GRM7: variants seen among roughly 807,000 people sequenced by gnomAD.
GRM7 encodes glutamate metabotropic receptor 7.
Under a neutral mutation model 84.5 loss-of-function variants are expected in GRM7, and 35 were observed. The ratio of observed to expected loss-of-function variants is 0.41; its 90% confidence interval spans 0.32 to 0.55. GRM7 has a LOEUF of 0.55. GRM7 is among the 20% of genes least tolerant of loss of function. The pLI, the probability that GRM7 is intolerant of heterozygous loss-of-function variation, is 0.19. For synonymous variants in GRM7, 487 were observed against 455.1 expected (o/e 1.07, Z -0.89); for missense variants, 1,003 against 1,194.6 (o/e 0.84, Z 2.36).
chr3:6,962,361 A>G (rs751546952), intron 1 of GRM7, among the ~76,000 whole-genome samples: 1 of 152,206 alleles, frequency 6.6e-6, no homozygotes, highest in Non-Finnish European at 1.5e-5. Context: ...GCTATGAATT[A>G]TATCTACTGA....
At chr3:6,875,512 C>T (rs905188143) in intron 1 of GRM7, among the ~76,000 whole-genome samples, 9 of 152,166 alleles carry the variant, frequency 5.9e-5, no homozygotes, top group African/African-American at 2.2e-4. Flanking sequence ...CTTTGCTCTT[C>T]ATTCGCCTTC....
intron 2 of GRM7, among the ~76,000 whole-genome samples, chr3:7,215,725 T>C (rs1575042082): frequency 6.6e-6 from 1 of 152,036 alleles, no homozygotes; most frequent in South Asian, 2.1e-4. Context: ...AGTTGTAATA[T>C]GTATATAAAA....
At chr3:6,947,012 ACTT>A (rs1698109871) in intron 1 of GRM7, among the ~76,000 whole-genome samples, 1 of 152,098 alleles carries the variant, frequency 6.6e-6, no homozygotes. Flanking sequence ...GGAGAATTTG[ACTT>A]CTTCTTTTCC....
chr3:6,878,875 G>A (rs963701378), intron 1 of GRM7, among the ~76,000 whole-genome samples: 1 of 152,128 alleles, frequency 6.6e-6, no homozygotes, highest in Non-Finnish European at 1.5e-5. Context: ...AGAGTTTCTG[G>A]ATTACTAGAT....
intron 1 of GRM7, among the ~76,000 whole-genome samples, chr3:7,046,106 T>A (rs1403497621): frequency 6.6e-6 from 1 of 152,124 alleles, no homozygotes; most frequent in East Asian, 1.9e-4. Flanking sequence ...GGGTTGACTT[T>A]CCCTGATAAT....
chr3:6,908,620 T>C (rs986009285), intron 1 of GRM7, among the ~76,000 whole-genome samples: 3 of 152,138 alleles, frequency 2.0e-5, no homozygotes, highest in South Asian at 2.1e-4. Context: ...AAATTCACTG[T>C]ACCTGTCCTC....
chr3:7,492,698 G>C (rs1699565938), intron 7 of GRM7, among the ~76,000 whole-genome samples: 1 of 151,676 alleles, frequency 6.6e-6, no homozygotes, highest in African/African-American at 2.4e-5. Flanking sequence ...CGGTTCATTT[G>C]ATTTCTGCTC....
At chr3:7,693,501 T>TG in intron 9 of GRM7, 1 of 673,846 alleles carries the variant, frequency 1.5e-6, no homozygotes, top group Non-Finnish European at 2.7e-6. Context: ...GTATGAAAAA[T>TG]GCTACATTTT....
At chr3:7,309,125 C>T (rs758247190) in intron 4 of GRM7, among the ~76,000 whole-genome samples, 1 of 152,152 alleles carries the variant, frequency 6.6e-6, no homozygotes, top group African/African-American at 2.4e-5. Context: ...AATGCTGTGG[C>T]TTCCATCTAG....
chr3:7,118,565 A>G (rs1693118187), intron 1 of GRM7, among the ~76,000 whole-genome samples: 1 of 150,988 alleles, frequency 6.6e-6, no homozygotes, highest in Non-Finnish European at 1.5e-5. Flanking sequence ...GTAGCATTAT[A>G]TGTGGTTAAT....
At chr3:7,247,839 GA>G (rs1304523717) in intron 2 of GRM7, among the ~76,000 whole-genome samples, 1 of 151,776 alleles carries the variant, frequency 6.6e-6, no homozygotes, top group Non-Finnish European at 1.5e-5. Context: ...GAAAATATAC[GA>G]AAAGTAAATA....
intron 9 of GRM7, among the ~76,000 whole-genome samples, chr3:7,733,304 C>T (rs987478878): frequency 4.2e-4 from 64 of 152,240 alleles, no homozygotes; most frequent in African/African-American, 1.4e-3. Context: ...ATTTATTAAG[C>T]GAAAGGAAAG....
At chr3:7,436,288 C>A (rs189808581) in intron 5 of GRM7, among the ~76,000 whole-genome samples, 36 of 151,488 alleles carry the variant, frequency 2.4e-4, no homozygotes, top group Middle Eastern at 3.4e-3. Flanking sequence ...TTCTTCTTTT[C>A]CAGGTTGTTA....
intron 1 of GRM7, among the ~76,000 whole-genome samples, chr3:6,945,286 C>T (rs1330717428): frequency 7.3e-6 from 1 of 136,124 alleles, no homozygotes; most frequent in East Asian, 2.4e-4. Flanking sequence ...TTGTTCAATT[C>T]CCATCTATGA....
chr3:7,635,199 T>G (rs1575578314), intron 8 of GRM7, among the ~76,000 whole-genome samples: 1 of 152,228 alleles, frequency 6.6e-6, no homozygotes, highest in East Asian at 1.9e-4. Context: ...ATAAATAGTT[T>G]CCTGGAATAA....
chr3:6,969,082 C>G (rs1051499573), intron 1 of GRM7, among the ~76,000 whole-genome samples: 4 of 141,192 alleles, frequency 2.8e-5, no homozygotes, highest in African/African-American at 8.5e-5. Context: ...CTCTACAAAC[C>G]AGGGTGTTTT....
chr3:6,923,195 A>G (rs1697182888), intron 1 of GRM7, among the ~76,000 whole-genome samples: 1 of 151,788 alleles, frequency 6.6e-6, no homozygotes, highest in Non-Finnish European at 1.5e-5. Flanking sequence ...TTGTATTTTT[A>G]GTAGAGATGG....
At position 7,578,554 on chromosome 3, in the gene GRM7, G is replaced by A. The variant is rs1695073836; in HGVS notation, c.1648G>A (p.Gly550Ser). Residue 550 changes from glycine (G) to serine (S), a missense_variant, in exon 8 of 10, where the codon GGT becomes AGT. By Grantham distance (56) the Gly-to-Ser change is moderately conservative. This residue lies in a region of GRM7 where 910 missense variants were observed against 1,126.0 expected (regional missense o/e 0.81). Coordinates refer to ENST00000357716, the MANE Select transcript of GRM7 (RefSeq NM_000844.4). ...PCCWTCEPCD[G>S]YQYQFDEMTC... is the part of the protein sequence containing the mutation. ...CTGTTGGACCTGTGAGCCTTGCGAT[G>A]GTTACCAGTACCAGTTTGATGAGAT... 2 of 1,613,942 alleles carry A rather than the reference G, an allele frequency of 1.2e-6. No homozygotes were observed. Among genetic ancestry groups the A allele is most frequent in the African/African-American group, 2.7e-5 (2 of 74,872 alleles).
intron 1 of GRM7, among the ~76,000 whole-genome samples, chr3:7,093,400 C>G: frequency 6.6e-6 from 1 of 151,524 alleles, no homozygotes; most frequent in Non-Finnish European, 1.5e-5. Context: ...TAGTGGCCGG[C>G]CAGCCATGGT....
Sources: gnomAD v4.1 joint callset for allele counts (sites outside exome capture counted in the v4.1 genomes callset) on GRCh38, gnomAD v4.1.1 for gene constraint, gnomAD v4.1.1 regional missense constraint, MANE v1.5 for transcripts, NCBI Gene and HGNC (gene_info 2026-07-23, HGNC 2026-07-21) for gene names.